The following BCL7A variants were observed in gnomAD, a reference collection of about 807,000 sequenced individuals.
BCL7A encodes BAF chromatin remodeling complex subunit BCL7A, also known as B-cell CLL/lymphoma 7 protein family member A.
In BCL7A, 11 loss-of-function variants were observed where a neutral mutation model predicts 28.4. That is an observed-to-expected ratio of 0.39 (90% CI 0.24 to 0.64). The LOEUF (loss-of-function observed/expected upper bound fraction) is 0.64. Among genes scored for constraint, BCL7A ranks in the 30% least tolerant of loss-of-function variants. BCL7A has a pLI of 0.50. For missense variants in BCL7A, 222 were observed against 274.8 expected, an observed-to-expected ratio of 0.81 and a Z score of 1.36; for synonymous variants, 123 against 103.3, an observed-to-expected ratio of 1.19 and a Z score of -1.15.
In BCL7A at chr12:122,059,745, A is replaced by G. The variant is rs1288860920; in HGVS notation, c.*582A>G. On this transcript the variant is annotated 3_prime_UTR_variant, in exon 6 of 6. Coordinates refer to ENST00000261822, the MANE Select transcript of BCL7A (RefSeq NM_001024808.3). This position sits in a 1 kb window ranked among gnomAD's most constrained non-coding sequence, Gnocchi z 4.0. Reference sequence around the variant, plus strand: ...CGGAGCAGGCAGGGTGGAGCGAAGGAGCTCCTTAGCCCACCTGGTTTGCAG... The same window carrying G: ...CGGAGCAGGCAGGGTGGAGCGAAGGGGCTCCTTAGCCCACCTGGTTTGCAG... 1.7e-5 allele frequency: 4 copies of G among 231,960 alleles called. No individual in the cohort carries two copies. The highest frequency in any genetic ancestry group is 2.6e-5 in the Non-Finnish European group (3 of 117,472). 14.4% of individuals were successfully genotyped at this position (231,960 alleles called of 1,614,324 possible). A position where few individuals can be genotyped will look rare whatever the true frequency, so the allele number is the denominator to read the frequency against.
intron 5 of BCL7A, among the ~76,000 whole-genome samples, chr12:122,058,098 G>A (rs1471330986): frequency 6.6e-6 from 1 of 152,068 alleles, no homozygotes; most frequent in Non-Finnish European, 1.5e-5. Flanking sequence ...TCAGGAGGCT[G>A]AGGCAGGGGG....
At chr12:122,045,155 C>T (rs570403575) in intron 4 of BCL7A, among the ~76,000 whole-genome samples, 28 of 151,804 alleles carry the variant, frequency 1.8e-4, no homozygotes, top group Admixed American at 5.2e-4. Flanking sequence ...CCGAGGCAGG[C>T]GGATCACTTG....
intron 2 of BCL7A, among the ~76,000 whole-genome samples, chr12:122,032,038 A>G (rs968858150): frequency 4.0e-5 from 6 of 151,858 alleles, no homozygotes; most frequent in South Asian, 2.1e-4. Flanking sequence ...GGCTGCGGCC[A>G]CTCCTGGGAG....
chr12:122,022,460 A>T (rs1883486236), intron 1 of BCL7A, among the ~76,000 whole-genome samples: 1 of 142,120 alleles, frequency 7.0e-6, no homozygotes, highest in South Asian at 2.2e-4. Flanking sequence ...AGGCGGTTGG[A>T]GCGGCGGGGC....
rs150924915 is a variant in BCL7A, at chr12:122,035,305, G to C, written c.175-26G>C. 142 of 1,598,614 alleles carry C rather than the reference G, an allele frequency of 8.9e-5. No homozygotes were observed. The East Asian group carries it at 3.1e-3, about 35-fold the overall frequency. On this transcript the variant is annotated intron_variant, in intron 2 of 5. Coordinates refer to ENST00000261822, the MANE Select transcript of BCL7A (RefSeq NM_001024808.3). ...GCGCACACACATGATCTGGTGACTT[G>C]GTTTCTGCTCCATTTTCCCCTGCAG...
intron 5 of BCL7A, 83 bp downstream of exon 5, chr12:122,055,009 G>A (rs202116650): frequency 2.7e-5 from 43 of 1,610,550 alleles, no homozygotes; most frequent in Non-Finnish European, 3.6e-5. Context: ...AAGGTGTTTC[G>A]TCATTGTGTT....
At chr12:122,022,375 G>A (rs1009123664) in intron 1 of BCL7A, among the ~76,000 whole-genome samples, 192 bp downstream of exon 1, 9 of 143,846 alleles carry the variant, frequency 6.3e-5, no homozygotes, top group Non-Finnish European at 3.1e-5. Flanking sequence ...GGCTGGGGCC[G>A]CGGCCGCTGC....
chr12:122,044,218 A>C (rs1884023502), intron 4 of BCL7A, 165 bp downstream of exon 4: 2 of 817,188 alleles, frequency 2.4e-6, no homozygotes, highest in Non-Finnish European at 3.7e-6. Flanking sequence ...GAATTAAAAA[A>C]ATCAGACAGG....
At chr12:122,051,945 G>A (rs968181468) in intron 4 of BCL7A, among the ~76,000 whole-genome samples, 2 of 119,756 alleles carry the variant, frequency 1.7e-5, no homozygotes, top group African/African-American at 3.3e-5. Flanking sequence ...GCGATTTTCC[G>A]CTCACTGCAA....
intron 4 of BCL7A, among the ~76,000 whole-genome samples, chr12:122,044,755 G>T (rs893248445): frequency 3.3e-5 from 5 of 151,690 alleles, no homozygotes; most frequent in Non-Finnish European, 7.4e-5. Flanking sequence ...GAGCTCAGGA[G>T]TTGGAGGCTG....
intron 4 of BCL7A, among the ~76,000 whole-genome samples, chr12:122,048,914 G>A (rs1445935105): frequency 2.0e-5 from 3 of 151,150 alleles, no homozygotes; most frequent in Non-Finnish European, 4.4e-5. Flanking sequence ...CCAGCTACTC[G>A]GGAAGCTGAG....
At chr12:122,046,327 A>G (rs1884076908) in intron 4 of BCL7A, among the ~76,000 whole-genome samples, 1 of 152,128 alleles carries the variant, frequency 6.6e-6, no homozygotes, top group African/African-American at 2.4e-5. Flanking sequence ...GCTGGCGAGC[A>G]TGGAATGTGG....
At chr12:122,042,917 C>T (rs1166152091) in intron 3 of BCL7A, among the ~76,000 whole-genome samples, 3 of 152,116 alleles carry the variant, frequency 2.0e-5, no homozygotes, top group Admixed American at 6.6e-5. Flanking sequence ...ACAGCTGGCA[C>T]GTTTGAAACA....
chr12:122,052,530 T>C (rs546066334), intron 4 of BCL7A, among the ~76,000 whole-genome samples: 10 of 152,238 alleles, frequency 6.6e-5, no homozygotes, highest in Non-Finnish European at 1.5e-4. Flanking sequence ...ACTGGGTCCC[T>C]GCCCAGGGCA....
intron 1 of BCL7A, among the ~76,000 whole-genome samples, chr12:122,025,354 G>A (rs1883599412): frequency 6.6e-6 from 1 of 151,976 alleles, no homozygotes; most frequent in African/African-American, 2.4e-5. Flanking sequence ...AGCCGGGCGC[G>A]GTGGCTCACG....
intron 3 of BCL7A, among the ~76,000 whole-genome samples, chr12:122,037,162 C>CT (rs1375540883): frequency 2.0e-5 from 3 of 152,232 alleles, no homozygotes; most frequent in African/African-American, 7.2e-5. Context: ...GCCGCCTTCC[C>CT]TTAGCAAGAG....
chr12:122,052,871 G>A (rs547543984), intron 4 of BCL7A, among the ~76,000 whole-genome samples: 8,101 of 35,652 alleles, frequency 0.23, 1,337 homozygotes, highest in African/African-American at 0.46. Context: ...TTTTAGTCGG[G>A]GGGGGGGGGG....
Position 122,049,030 on chromosome 12 carries a change from AAAAAAAT to A in BCL7A, c.439+4979_439+4985del, listed in dbSNP as rs1174829636. On this transcript the variant is annotated intron_variant, in intron 4 of 5. Transcript: ENST00000261822. ...GAGTGAAACGTGTAAAAAAAAAAAA[AAAAAAAT>A]ATATATATATATATATACATATACA... Among the ~76,000 whole-genome samples, 419 of 80,688 alleles carry A rather than the reference AAAAAAAT, an allele frequency of 5.2e-3. 2 individuals carry two copies. Among genetic ancestry groups the A allele is most frequent in the African/African-American group, 0.02 (351 of 17,832 alleles). 52.9% of individuals were successfully genotyped at this position (80,688 alleles called of 152,430 possible).
At chr12:122,025,828 T>C (rs2135838208) in intron 1 of BCL7A, among the ~76,000 whole-genome samples, 1 of 148,618 alleles carries the variant, frequency 6.7e-6, no homozygotes, top group African/African-American at 2.5e-5. Flanking sequence ...ACGCCTGTAA[T>C]CCCAGCTACT....
Sources: allele counts gnomAD v4.1 joint callset (sites outside exome capture counted in the v4.1 genomes callset), GRCh38; gene constraint gnomAD v4.1.1; non-coding constraint Gnocchi (gnomAD v3.1); transcripts MANE v1.5; gene names NCBI Gene and HGNC (gene_info 2026-07-23, HGNC 2026-07-21).